Variants in FFAR4 observed in about 807,000 individuals in gnomAD.
FFAR4 encodes free fatty acid receptor 4.
Under a neutral mutation model 27.0 loss-of-function variants are expected in FFAR4, and 19 were observed. That is an observed-to-expected ratio of 0.70 (90% CI 0.49 to 1.03). The LOEUF (loss-of-function observed/expected upper bound fraction) is 1.03. Ranked by LOEUF, FFAR4 falls within the 50% of genes least tolerant of loss-of-function variation. The probability of loss-of-function intolerance (pLI) is 0.00; values close to 1 mark genes in which losing one functional copy is unlikely to be tolerated. For synonymous variants in FFAR4, 254 were observed against 215.6 expected (o/e 1.18, Z -1.56); for missense variants, 476 against 479.0 (o/e 0.99, Z 0.06).
intron 2 of FFAR4, among the ~76,000 whole-genome samples, chr10:93,579,944 G>A (rs114789154): frequency 0.03 from 4,558 of 152,296 alleles, 219 homozygotes; most frequent in African/African-American, 0.1. Flanking sequence ...ATATGATAAT[G>A]TTTTAAAAAT....
At chr10:93,579,055 G>T in intron 2 of FFAR4, 2 of 985,046 alleles carry the variant, frequency 2.0e-6, no homozygotes, top group Non-Finnish European at 3.3e-6. Flanking sequence ...GACCTGAGGA[G>T]TTGGGGCAGC....
In FFAR4 at chr10:93,587,535, T is replaced by G; in HGVS notation, c.1012T>G (p.Trp338Gly). The change falls in exon 3 of 3, where the codon TGG becomes GGG. Residue 338 changes from tryptophan to glycine, a missense_variant. Trp to Gly is a radical substitution (Grantham distance 184). Transcript: ENST00000371481. ...NEWKKIFCCF[W>G]FPEKGAILTD... Reference sequence around the variant, plus strand: ...GTGGAAGAAAATTTTTTGCTGCTTCTGGTTCCCAGAAAAGGGAGCCATTTT... The same window carrying G: ...GTGGAAGAAAATTTTTTGCTGCTTCGGGTTCCCAGAAAAGGGAGCCATTTT... 2 of 1,614,132 alleles carry G rather than the reference T, an allele frequency of 1.2e-6. No individual in the cohort carries two copies. The highest frequency in any genetic ancestry group is 1.7e-6 in the Non-Finnish European group (2 of 1,180,012).
rs1439381795 is a variant in FFAR4, at chr10:93,588,446, C to T, written c.*837C>T. 3 of 150,236 alleles carry T rather than the reference C, an allele frequency of 2.0e-5. No homozygotes were observed. The highest frequency in any genetic ancestry group is 4.9e-5 in the African/African-American group (2 of 40,732). 9.3% of individuals were successfully genotyped at this position (150,236 alleles called of 1,614,324 possible). A position where few individuals can be genotyped will look rare whatever the true frequency, so the allele number is the denominator to read the frequency against. On this transcript the variant is annotated 3_prime_UTR_variant, in exon 3 of 3. Transcript: ENST00000371481. ...ATGCTATGGACCCTTTTAAGAGAAT[C>T]GGCATCATGAAATGAGAGAGAAAGT...
chr10:93,573,396 A>G (rs768779073), intron 1 of FFAR4, among the ~76,000 whole-genome samples: 1 of 152,246 alleles, frequency 6.6e-6, no homozygotes, highest in Non-Finnish European at 1.5e-5. Flanking sequence ...TACAGAGAAT[A>G]TAATAGGACT....
At chr10:93,573,721 T>A (rs959711387) in intron 1 of FFAR4, among the ~76,000 whole-genome samples, 19 of 152,222 alleles carry the variant, frequency 1.2e-4, no homozygotes, top group African/African-American at 4.1e-4. Context: ...TTATCTTACT[T>A]CCTTATCACA....
chr10:93,580,128 A>C (rs1019226160), intron 2 of FFAR4, among the ~76,000 whole-genome samples: 1 of 152,214 alleles, frequency 6.6e-6, no homozygotes, highest in East Asian at 1.9e-4. Context: ...GTGTGCAAGC[A>C]GGGCCTCAGT....
intron 1 of FFAR4, among the ~76,000 whole-genome samples, chr10:93,569,152 C>T (rs1319372165): frequency 6.6e-6 from 1 of 152,140 alleles, no homozygotes; most frequent in African/African-American, 2.4e-5. Flanking sequence ...ATATTTCTCA[C>T]AGAACTTGAG....
At chr10:93,579,510 A>G (rs916032647) in intron 2 of FFAR4, among the ~76,000 whole-genome samples, 1 of 152,304 alleles carries the variant, frequency 6.6e-6, no homozygotes, top group East Asian at 1.9e-4. Context: ...AAGTCTTCCC[A>G]TCAATCTCCA....
chr10:93,575,646 C>T (rs1170201658), intron 1 of FFAR4, among the ~76,000 whole-genome samples: 3 of 152,222 alleles, frequency 2.0e-5, no homozygotes, highest in Non-Finnish European at 2.9e-5. Flanking sequence ...GTTGTGACTA[C>T]AGGGAAACCT....
chr10:93,569,635 G>A (rs1262818070), intron 1 of FFAR4, among the ~76,000 whole-genome samples: 1 of 152,118 alleles, frequency 6.6e-6, no homozygotes, highest in African/African-American at 2.4e-5. Flanking sequence ...GCTTCGGAGA[G>A]GGATTTGGGC....
In FFAR4 at chr10:93,587,233, C is replaced by G. The variant is rs1366859525; in HGVS notation, c.710C>G (p.Ser237Ter). 1 of 1,613,092 alleles carries G rather than the reference C, an allele frequency of 6.2e-7. No individual in the cohort carries two copies. Among genetic ancestry groups the G allele is most frequent in the East Asian group, 2.2e-5 (1 of 44,866 alleles). The change falls in exon 3 of 3, where the codon TCA (serine) becomes TGA (stop). Residue 237 changes from serine to a stop codon, truncating the protein, a stop_gained. Coordinates refer to ENST00000371481, the MANE Select transcript of FFAR4 (RefSeq NM_001195755.2). LOFTEE classifies it high-confidence loss of function. ...YSKILQITKA[S>*]RKRLTVSLAY... ...GGTTTTCCACAGATCACAAAGGCAT[C>G]AAGGAAGAGGCTCACGGTAAGCCTG...
Position 93,566,948 on chromosome 10 carries a change from C to T in FFAR4, c.228C>T (p.Cys76=). The T allele has an allele frequency of 6.2e-7, 1 of 1,610,890 alleles. No individual in the cohort carries two copies. Among genetic ancestry groups the T allele is most frequent in the Non-Finnish European group, 8.5e-7 (1 of 1,179,466 alleles). Residue 76 remains cysteine (C), a synonymous_variant, in exon 1 of 3, where the codon TGC becomes TGT. Transcript: ENST00000371481. ...GACGACGCCGCGGCGCGACTGCCTG[C>T]CTGGTACTCAACCTCTTCTGCGCGG... ...ARRRRRGATA[C]LVLNLFCADL... is the part of the protein sequence containing the mutation.
At chr10:93,573,426 C>T (rs1170647644) in intron 1 of FFAR4, among the ~76,000 whole-genome samples, 2 of 152,212 alleles carry the variant, frequency 1.3e-5, no homozygotes, top group Non-Finnish European at 2.9e-5. Context: ...ACCTTCCAGA[C>T]TTGACATGCT....
chr10:93,580,321 C>T (rs970146303), intron 2 of FFAR4, among the ~76,000 whole-genome samples: 4 of 152,210 alleles, frequency 2.6e-5, no homozygotes, highest in African/African-American at 9.6e-5. Flanking sequence ...ACAAACACTA[C>T]AGCACCACCA....
Position 93,587,645 on chromosome 10 carries a change from G to A in FFAR4, c.*36G>A. ...TAGCCGAGTTTCTCACACCTGGCGA[G>A]CTGTGGCATGCTTTTAAACAGAGTT... On this transcript the variant is annotated 3_prime_UTR_variant, in exon 3 of 3. Transcript: ENST00000371481. 6.3e-7 allele frequency: 1 copy of A among 1,583,522 alleles called. No individual in the cohort carries two copies. The highest frequency in any genetic ancestry group is 2.2e-5 in the East Asian group (1 of 44,792).
intron 2 of FFAR4, among the ~76,000 whole-genome samples, chr10:93,582,891 AAGAG>A (rs2058206599): frequency 6.6e-6 from 1 of 152,118 alleles, no homozygotes. Flanking sequence ...CAGGAGAGAG[AAGAG>A]AGTGAGCAGG....
At chr10:93,581,927 C>A (rs767457384) in intron 2 of FFAR4, among the ~76,000 whole-genome samples, 17 of 152,186 alleles carry the variant, frequency 1.1e-4, no homozygotes, top group Non-Finnish European at 1.8e-4. Flanking sequence ...CTGTGAGGCT[C>A]AAGCAAATCA....
chr10:93,576,121 A>T lies in FFAR4; in HGVS notation c.598A>T (p.Thr200Ser), dbSNP rs777339849. The change falls in exon 2 of 3, where the codon ACC becomes TCC. Residue 200 changes from threonine (T) to serine (S), a missense_variant. Thr to Ser is a moderately conservative substitution (Grantham distance 58). Coordinates refer to ENST00000371481, the MANE Select transcript of FFAR4 (RefSeq NM_001195755.2). ...TTCGATTTGCACACTGATTTGGCCC[A>T]CCATTCCTGGAGAGATCTCGTGGGA... Reference protein sequence around the residue: ...EISICTLIWPTIPGEISWDVS... With the variant: ...EISICTLIWPSIPGEISWDVS... 9.3e-6 allele frequency: 15 copies of T among 1,613,862 alleles called. No homozygotes were observed. Among genetic ancestry groups the T allele is most frequent in the African/African-American group, 1.3e-5 (1 of 74,904 alleles).
intron 1 of FFAR4, among the ~76,000 whole-genome samples, chr10:93,568,675 C>A (rs549812964): frequency 5.3e-5 from 8 of 152,282 alleles, no homozygotes; most frequent in African/African-American, 1.9e-4. Flanking sequence ...TTTCCCAGAC[C>A]AGTCTCTCAC....
Sources: allele counts gnomAD v4.1 joint callset (sites outside exome capture counted in the v4.1 genomes callset), GRCh38; gene constraint gnomAD v4.1.1; transcripts MANE v1.5; gene names NCBI Gene and HGNC (gene_info 2026-07-23, HGNC 2026-07-21).